RALYL: variants seen among roughly 807,000 people sequenced by gnomAD.
The protein encoded by RALYL is RNA-binding Raly-like protein.
In RALYL, 29 loss-of-function variants were observed where a neutral mutation model predicts 35.1. The observed-to-expected ratio is 0.83, with a 90% CI of 0.61 to 1.13. RALYL has a LOEUF of 1.13. Among genes scored for constraint, RALYL ranks in the 50% most tolerant of loss-of-function variants. The pLI is 0.00. For synonymous variants in RALYL, 120 were observed against 127.6 expected, an observed-to-expected ratio of 0.94 and a Z score of 0.40; for missense variants, 359 against 360.4, an observed-to-expected ratio of 1.00 and a Z score of 0.03.
At chr8:84,514,065 G>A (rs1433151173) in intron 1 of RALYL, among the ~76,000 whole-genome samples, 4 of 123,578 alleles carry the variant, frequency 3.2e-5, no homozygotes, top group Admixed American at 1.0e-4. Context: ...CTGCACTCCA[G>A]CCTGGGTGAC....
chr8:84,716,740 C>A (rs1028087630), intron 2 of RALYL, among the ~76,000 whole-genome samples: 7 of 152,080 alleles, frequency 4.6e-5, no homozygotes, highest in Non-Finnish European at 8.8e-5. Context: ...TTTTCACCAT[C>A]CCAGTTTTCA....
chr8:84,231,891 G>T (rs1306945863), intron 1 of RALYL, among the ~76,000 whole-genome samples: 2 of 152,148 alleles, frequency 1.3e-5, no homozygotes, highest in Non-Finnish European at 2.9e-5. Context: ...GTTCAGTACA[G>T]ATCAGGAAAC....
At chr8:84,578,015 C>T (rs1201777974) in intron 2 of RALYL, among the ~76,000 whole-genome samples, 1 of 152,336 alleles carries the variant, frequency 6.6e-6, no homozygotes, top group East Asian at 1.9e-4. Context: ...CTTCGGCCCA[C>T]TGGGCTTGTT....
chr8:84,834,988 G>T (rs1831662886), intron 4 of RALYL, among the ~76,000 whole-genome samples: 1 of 152,130 alleles, frequency 6.6e-6, no homozygotes, highest in Non-Finnish European at 1.5e-5. Context: ...GAAGCTGTAA[G>T]AATGAGACCT....
chr8:84,441,460 A>T (rs1382799575), intron 1 of RALYL, among the ~76,000 whole-genome samples: 1 of 152,130 alleles, frequency 6.6e-6, no homozygotes, highest in Non-Finnish European at 1.5e-5. Flanking sequence ...AGTAGTTGTG[A>T]TGTTCATAAC....
chr8:84,499,492 C>A (rs2056435850), intron 1 of RALYL, among the ~76,000 whole-genome samples: 1 of 152,124 alleles, frequency 6.6e-6, no homozygotes, highest in South Asian at 2.1e-4. Flanking sequence ...ATATTATTGT[C>A]ATTTAACAAG....
At chr8:84,452,817 A>G (rs2049657685) in intron 1 of RALYL, among the ~76,000 whole-genome samples, 1 of 151,984 alleles carries the variant, frequency 6.6e-6, no homozygotes, top group African/African-American at 2.4e-5. Context: ...AAAAATATCC[A>G]AAAGAAAGTC....
intron 2 of RALYL, among the ~76,000 whole-genome samples, chr8:84,678,621 C>T (rs1045671479): frequency 6.6e-6 from 1 of 152,136 alleles, no homozygotes; most frequent in Non-Finnish European, 1.5e-5. Context: ...TAAAAGGAGG[C>T]TGCAAAAGGT....
intron 1 of RALYL, among the ~76,000 whole-genome samples, chr8:84,515,315 G>A (rs532306116): frequency 1.3e-5 from 2 of 152,190 alleles, no homozygotes; most frequent in Non-Finnish European, 2.9e-5. Flanking sequence ...CTATTTTCCT[G>A]TGTAATTAAT....
At chr8:84,762,392 C>G (rs1563545673) in intron 2 of RALYL, among the ~76,000 whole-genome samples, 1 of 152,122 alleles carries the variant, frequency 6.6e-6, no homozygotes, top group Non-Finnish European at 1.5e-5. Flanking sequence ...GGTTTGTATT[C>G]TCAGTCAAAA....
intron 1 of RALYL, among the ~76,000 whole-genome samples, chr8:84,338,466 A>T (rs1438437502): frequency 8.5e-6 from 1 of 117,778 alleles, no homozygotes; most frequent in African/African-American, 3.5e-5. Flanking sequence ...TACTGCAATT[A>T]AAAAAAAAAA....
intron 1 of RALYL, among the ~76,000 whole-genome samples, chr8:84,425,405 G>A (rs921740569): frequency 2.6e-5 from 4 of 152,256 alleles, no homozygotes; most frequent in African/African-American, 9.6e-5. Flanking sequence ...GCCCTGCTTC[G>A]GCTCGCGCAC....
chr8:84,301,306 T>G (rs1840736139), intron 1 of RALYL, among the ~76,000 whole-genome samples: 1 of 152,002 alleles, frequency 6.6e-6, no homozygotes, highest in African/African-American at 2.4e-5. Flanking sequence ...TCTAGCTGCC[T>G]TAAAAAAAAT....
chr8:84,692,787 T>C (rs1356590771), intron 2 of RALYL, among the ~76,000 whole-genome samples: 1 of 151,986 alleles, frequency 6.6e-6, no homozygotes, highest in Non-Finnish European at 1.5e-5. Flanking sequence ...GTGACAGTGA[T>C]GGCAGATTAT....
intron 1 of RALYL, among the ~76,000 whole-genome samples, chr8:84,282,228 G>A (rs532163064): frequency 5.3e-5 from 8 of 151,234 alleles, no homozygotes; most frequent in African/African-American, 1.2e-4. Flanking sequence ...TTTACATGTA[G>A]CGTTGAAAAA....
At chr8:84,771,281 C>A (rs530184202) in intron 2 of RALYL, among the ~76,000 whole-genome samples, 1 of 151,960 alleles carries the variant, frequency 6.6e-6, no homozygotes, top group African/African-American at 2.4e-5. Context: ...GGTAAATATG[C>A]TACCATTTGT....
chr8:84,526,482 C>T (rs1054823095), intron 1 of RALYL, among the ~76,000 whole-genome samples: 1 of 152,168 alleles, frequency 6.6e-6, no homozygotes, highest in African/African-American at 2.4e-5. Flanking sequence ...CTGGTAGGAA[C>T]TTGAATGATT....
intron 1 of RALYL, among the ~76,000 whole-genome samples, chr8:84,523,560 A>G (rs1187559291): frequency 6.6e-6 from 1 of 151,452 alleles, no homozygotes; most frequent in African/African-American, 2.4e-5. Context: ...ACATGTGCAC[A>G]TTGTGCAGGT....
chr8:84,493,522 C>T (rs2055593526), intron 1 of RALYL, among the ~76,000 whole-genome samples: 1 of 152,142 alleles, frequency 6.6e-6, no homozygotes, highest in Non-Finnish European at 1.5e-5. Context: ...AACTGATTTA[C>T]ATTCCCACCA....
Sources: allele counts gnomAD v4.1 joint callset (sites outside exome capture counted in the v4.1 genomes callset), GRCh38; gene constraint gnomAD v4.1.1; transcripts MANE v1.5; gene names NCBI Gene and HGNC (gene_info 2026-07-23, HGNC 2026-07-21).